The following ROR1 variants were observed in gnomAD, a reference collection of about 807,000 sequenced individuals.
ROR1 encodes ROR family WNT receptor 1.
In ROR1, 19 loss-of-function variants were observed where a neutral mutation model predicts 78.8. The ratio of observed to expected loss-of-function variants is 0.24; its 90% CI spans 0.17 to 0.35. The LOEUF is 0.35. Ranked by LOEUF, ROR1 falls within the 10% of genes least tolerant of loss-of-function variation. ROR1 has a pLI of 1.00. For missense variants in ROR1, 917 were observed against 1,177.8 expected, an observed-to-expected ratio of 0.78 and a Z score of 3.24; for synonymous variants, 386 against 433.6, an observed-to-expected ratio of 0.89 and a Z score of 1.36.
chr1:64,119,736 T>C (rs1410198461), intron 4 of ROR1, among the ~76,000 whole-genome samples: 2 of 150,814 alleles, frequency 1.3e-5, no homozygotes, highest in Non-Finnish European at 2.9e-5. Flanking sequence ...GGTGGAACCA[T>C]AGTAGGTCAG....
intron 1 of ROR1, among the ~76,000 whole-genome samples, chr1:63,849,091 A>G (rs1466985839): frequency 6.6e-6 from 1 of 152,224 alleles, no homozygotes; most frequent in African/African-American, 2.4e-5. Flanking sequence ...AAGAAAAAAC[A>G]TGGAATGTTA....
intron 1 of ROR1, among the ~76,000 whole-genome samples, chr1:63,998,652 G>A (rs950135450): frequency 6.6e-6 from 1 of 152,150 alleles, no homozygotes; most frequent in African/African-American, 2.4e-5. Context: ...GGAACTGAAA[G>A]TTTAGAACGT....
intron 4 of ROR1, among the ~76,000 whole-genome samples, chr1:64,068,013 T>C (rs1646973037): frequency 6.6e-6 from 1 of 152,230 alleles, no homozygotes; most frequent in Non-Finnish European, 1.5e-5. Context: ...GTATTATTTA[T>C]ATCAAATTCA....
chr1:63,778,271 TATA>T (rs1369458464), intron 1 of ROR1, among the ~76,000 whole-genome samples: 1 of 152,220 alleles, frequency 6.6e-6, no homozygotes, highest in Admixed American at 6.5e-5. Flanking sequence ...CCAGAAATAA[TATA>T]CACAATTTTA....
intron 1 of ROR1, among the ~76,000 whole-genome samples, chr1:63,824,429 T>C (rs532157690): frequency 9.9e-5 from 15 of 152,242 alleles, no homozygotes; most frequent in East Asian, 3.9e-4. Context: ...TCTTTTTTTT[T>C]CCCCCAGTCA....
At chr1:63,994,085 A>G (rs1484691144) in intron 1 of ROR1, among the ~76,000 whole-genome samples, 5 of 152,114 alleles carry the variant, frequency 3.3e-5, no homozygotes, top group Non-Finnish European at 7.4e-5. Context: ...TTTATATAAC[A>G]TTTTTTATAT....
chr1:64,007,956 CTTTTT>C (rs74261212), intron 1 of ROR1, among the ~76,000 whole-genome samples: 5 of 137,658 alleles, frequency 3.6e-5, no homozygotes, highest in Admixed American at 7.0e-5. Context: ...TGCCCTTGTT[CTTTTT>C]TTTTTTTTTT....
intron 1 of ROR1, among the ~76,000 whole-genome samples, chr1:63,819,999 A>G (rs1423355472): frequency 6.6e-6 from 1 of 152,252 alleles, no homozygotes; most frequent in East Asian, 1.9e-4. Context: ...ACCATGGAAC[A>G]CTATGCAGGC....
chr1:64,171,859 A>G (rs1650252921), intron 8 of ROR1, among the ~76,000 whole-genome samples: 1 of 152,234 alleles, frequency 6.6e-6, no homozygotes. Context: ...AGCAGGCTTC[A>G]TGTTGCATAC....
chr1:64,149,459 G>T (rs956738770), intron 7 of ROR1, among the ~76,000 whole-genome samples: 3 of 152,074 alleles, frequency 2.0e-5, no homozygotes, highest in Non-Finnish European at 4.4e-5. Context: ...ATTCTTATTT[G>T]CAGCTCCAGG....
rs566884622 is a variant in ROR1 at position 64,142,445 on chromosome 1, G to A, written c.969G>A (p.Gly323=). 1.9e-6 allele frequency: 3 copies of A among 1,614,120 alleles called. No homozygotes were observed. In the South Asian group the frequency reaches 3.3e-5, roughly 18 times the overall value. ...CYNSTGVDYR[G]TVSVTKSGRQ... ...ACAGCACAGGTGTGGACTACCGGGG[G>A]ACCGTCAGTGTGACCAAATCAGGGC... Residue 323 remains glycine, a synonymous_variant, in exon 7 of 9, where the codon GGG becomes GGA. Transcript: ENST00000371079.
At chr1:64,136,655 A>G (rs1181683292) in intron 4 of ROR1, among the ~76,000 whole-genome samples, 1 of 152,104 alleles carries the variant, frequency 6.6e-6, no homozygotes, top group Non-Finnish European at 1.5e-5. Context: ...GATGAAATCT[A>G]TTACCCCTCC....
chr1:63,885,895 ATTACGT>A (rs1387069499), intron 1 of ROR1, among the ~76,000 whole-genome samples: 2 of 152,158 alleles, frequency 1.3e-5, no homozygotes, highest in Non-Finnish European at 2.9e-5. Flanking sequence ...ATCCAAGCAC[ATTACGT>A]TTATTTTGCA....
At chr1:64,016,281 G>T (rs1028022627) in intron 2 of ROR1, among the ~76,000 whole-genome samples, 2 of 152,070 alleles carry the variant, frequency 1.3e-5, no homozygotes, top group South Asian at 4.1e-4. Flanking sequence ...TGTGAAATGT[G>T]GACAGTCCAA....
chr1:63,797,168 G>A (rs546135581), intron 1 of ROR1, among the ~76,000 whole-genome samples: 2 of 152,136 alleles, frequency 1.3e-5, no homozygotes, highest in Admixed American at 6.5e-5. Flanking sequence ...AACACATGCC[G>A]AGAACTTTCT....
At chr1:64,082,010 C>G (rs1647106705) in intron 4 of ROR1, among the ~76,000 whole-genome samples, 2 of 152,086 alleles carry the variant, frequency 1.3e-5, no homozygotes, top group South Asian at 2.1e-4. Context: ...GCATATAACT[C>G]TCAAGATTGA....
At chr1:63,965,312 G>T (rs1172297152) in intron 1 of ROR1, among the ~76,000 whole-genome samples, 1 of 152,162 alleles carries the variant, frequency 6.6e-6, no homozygotes, top group African/African-American at 2.4e-5. Context: ...CCTCATTGAG[G>T]CTGGACCAGA....
intron 4 of ROR1, among the ~76,000 whole-genome samples, chr1:64,126,391 G>A (rs1431564609): frequency 6.6e-6 from 1 of 152,050 alleles, no homozygotes; most frequent in African/African-American, 2.4e-5. Flanking sequence ...AAGAGATAAT[G>A]CAATCTACCT....
chr1:64,147,047 A>G (rs931090828), intron 7 of ROR1, among the ~76,000 whole-genome samples: 3 of 152,132 alleles, frequency 2.0e-5, no homozygotes, highest in African/African-American at 7.2e-5. Flanking sequence ...TCATTTGAAG[A>G]TTTTTCTGAA....
Sources: allele counts gnomAD v4.1 joint callset (sites outside exome capture counted in the v4.1 genomes callset), GRCh38; gene constraint gnomAD v4.1.1; transcripts MANE v1.5; gene names NCBI Gene and HGNC (gene_info 2026-07-23, HGNC 2026-07-21).